Variants in RAPGEF5 observed in about 807,000 individuals in gnomAD.
RAPGEF5 encodes the protein Rap guanine nucleotide exchange factor 5, also known as M-Ras-regulated GEF.
RAPGEF5 carries 65 observed loss-of-function variants against 125.2 expected under a neutral mutation model. The ratio of observed to expected loss-of-function variants is 0.52; its 90% confidence interval spans 0.43 to 0.64. The LOEUF (loss-of-function observed/expected upper bound fraction) is 0.64, where lower values mean the gene tolerates loss of function less well. Ranked by LOEUF, RAPGEF5 falls within the 30% of genes least tolerant of loss-of-function variation. The probability of loss-of-function intolerance (pLI) is 0.00; values close to 1 mark genes in which losing one functional copy is unlikely to be tolerated. For synonymous variants in RAPGEF5, 391 were observed against 385.9 expected, an observed-to-expected ratio of 1.01 and a Z score of -0.16; for missense variants, 958 against 1,048.1, an observed-to-expected ratio of 0.91 and a Z score of 1.19.
chr7:22,262,497 C>G (rs1782181167), intron 7 of RAPGEF5, among the ~76,000 whole-genome samples: 1 of 152,172 alleles, frequency 6.6e-6, no homozygotes, highest in Non-Finnish European at 1.5e-5. Flanking sequence ...AAAAATGGCA[C>G]AGCTACTGTG....
Position 22,146,961 on chromosome 7 carries a change from T to TGCACACATGCACGCACAAA in RAPGEF5, c.1942_1943insTTTGTGCGTGCATGTGTGC (p.Asn648IlefsTer19). On this transcript the variant is annotated frameshift_variant, in exon 19 of 26. Coordinates refer to ENST00000665637, the MANE Select transcript of RAPGEF5 (RefSeq NM_012294.5). LOFTEE classifies it high-confidence loss of function. ...TAATTCCAGAGCAAGATCCCAAGTG[T>TGCACACATGCACGCACAAA]TCATTCCCAAAATCCTCATCGACCT... 6.2e-7 allele frequency: 1 copy of TGCACACATGCACGCACAAA among 1,613,810 alleles called. No homozygotes were observed. The highest frequency in any genetic ancestry group is 8.5e-7 in the Non-Finnish European group (1 of 1,179,790).
rs1583579111 is a variant in RAPGEF5, at chr7:22,324,215, A to G, written c.232-6178T>C. ...TTATGCTGTTTTTGTCAAAATGCAT[A>G]CCTGAATATAATGACAAAATATCAG... On this transcript the variant is annotated intron_variant, in intron 1 of 25. Transcript: ENST00000665637. 2.0e-5 allele frequency among the ~76,000 whole-genome samples: 3 copies of G among 152,218 alleles called. No individual in the cohort carries two copies. The East Asian group carries it at 5.8e-4, about 29-fold the overall frequency.
At chr7:22,252,913 A>T (rs549993751) in intron 7 of RAPGEF5, among the ~76,000 whole-genome samples, 43 of 152,286 alleles carry the variant, frequency 2.8e-4, no homozygotes, top group African/African-American at 1.0e-3. Flanking sequence ...ATGCATTAAG[A>T]ATTACTGTTT....
At chr7:22,157,944 T>C in intron 14 of RAPGEF5, 59 bp from the exon 15 acceptor site, 2 of 1,518,176 alleles carry the variant, frequency 1.3e-6, no homozygotes, top group South Asian at 1.2e-5. Context: ...AATGCAGTTA[T>C]TGTTACGGAA....
intron 9 of RAPGEF5, among the ~76,000 whole-genome samples, chr7:22,203,133 C>T (rs1002715943): frequency 1.3e-5 from 2 of 152,092 alleles, no homozygotes; most frequent in African/African-American, 4.8e-5. Context: ...GCTGTATGTG[C>T]TACTGAGAGG....
At chr7:22,260,000 T>C (rs2686470) in intron 7 of RAPGEF5, among the ~76,000 whole-genome samples, 59,854 of 151,832 alleles carry the variant, frequency 0.39, 12,676 homozygotes, top group East Asian at 0.73. Context: ...AGGAGAATCG[T>C]TTGAAATCGG....
intron 11 of RAPGEF5, among the ~76,000 whole-genome samples, chr7:22,175,478 C>A (rs145470220): frequency 3.8e-4 from 58 of 152,296 alleles, no homozygotes; most frequent in African/African-American, 1.3e-3. Flanking sequence ...TCTCAATAAT[C>A]AATACAATTA....
intron 17 of RAPGEF5, among the ~76,000 whole-genome samples, chr7:22,151,511 G>A (rs1429368004): frequency 7.1e-6 from 1 of 141,040 alleles, no homozygotes; most frequent in Non-Finnish European, 1.5e-5. Flanking sequence ...ACCCAGGCTA[G>A]AGTGCACTAG....
At chr7:22,228,594 G>A (rs572553264) in intron 8 of RAPGEF5, among the ~76,000 whole-genome samples, 4 of 151,942 alleles carry the variant, frequency 2.6e-5, no homozygotes, top group East Asian at 3.9e-4. Context: ...TGAAACCTCC[G>A]CCTCCCGGGT....
At chr7:22,125,137 G>A (rs1375445553) in intron 25 of RAPGEF5, 1 of 153,150 alleles carries the variant, frequency 6.5e-6, no homozygotes, top group East Asian at 1.9e-4. Context: ...GCTCCAGACA[G>A]GAAGTTTTTG....
intron 6 of RAPGEF5, among the ~76,000 whole-genome samples, chr7:22,282,052 T>C (rs1218637898): frequency 6.6e-6 from 1 of 152,246 alleles, no homozygotes; most frequent in African/African-American, 2.4e-5. Flanking sequence ...AGATTGCTAT[T>C]AATATTTTCT....
intron 11 of RAPGEF5, among the ~76,000 whole-genome samples, chr7:22,180,079 T>TG (rs1185799988): frequency 6.6e-6 from 1 of 152,234 alleles, no homozygotes; most frequent in Non-Finnish European, 1.5e-5. Context: ...GACCCTCTCT[T>TG]GGGGTCTGAA....
At chr7:22,322,387 T>A (rs1432945220) in intron 1 of RAPGEF5, among the ~76,000 whole-genome samples, 2 of 151,872 alleles carry the variant, frequency 1.3e-5, no homozygotes, top group African/African-American at 2.4e-5. Context: ...GCTCAAGCAA[T>A]CCGCTCGCCT....
intron 24 of RAPGEF5, among the ~76,000 whole-genome samples, chr7:22,130,667 C>T (rs893793665): frequency 6.6e-6 from 1 of 152,172 alleles, no homozygotes; most frequent in Non-Finnish European, 1.5e-5. Context: ...TGAGAGATGC[C>T]TATAAAGCAG....
chr7:22,336,736 C>T (rs1438455746), intron 1 of RAPGEF5, among the ~76,000 whole-genome samples: 3 of 152,150 alleles, frequency 2.0e-5, no homozygotes, highest in African/African-American at 4.8e-5. Flanking sequence ...ATCTGCCAGG[C>T]GGGAAGTGCA....
In RAPGEF5 at chr7:22,318,010, A is replaced by T; in HGVS notation, c.259T>A (p.Tyr87Asn). Residue 87 changes from tyrosine (Y) to asparagine (N), a missense_variant, in exon 2 of 26, where the codon TAC becomes AAC. Physicochemically the swap from Tyr to Asn is moderately radical, Grantham distance 143. Coordinates refer to ENST00000665637, the MANE Select transcript of RAPGEF5 (RefSeq NM_012294.5). The part of the protein sequence containing the change: ...RTLSRRISNP[Y>N]LEHTPSQIYG... ...ACCTGGGAAGGCGTATGTTCAAGGT[A>T]CGGATTAGATATTCTTCTTGATAGA... 1 of 1,546,988 alleles carries T rather than the reference A, an allele frequency of 6.5e-7. No individual in the cohort carries two copies. Among genetic ancestry groups the T allele is most frequent in the Non-Finnish European group, 8.7e-7 (1 of 1,146,082 alleles).
chr7:22,275,716 T>G, intron 6 of RAPGEF5, among the ~76,000 whole-genome samples: 1 of 152,042 alleles, frequency 6.6e-6, no homozygotes, highest in African/African-American at 2.4e-5. Context: ...TTGGAGACCA[T>G]GGGGGTTGTT....
intron 18 of RAPGEF5, 51 bp from the exon 19 acceptor site, chr7:22,147,070 C>G: frequency 6.3e-7 from 1 of 1,584,974 alleles, no homozygotes; most frequent in South Asian, 1.2e-5. Flanking sequence ...ATGTTTTGCA[C>G]TGCATTGGCT....
chr7:22,356,496 G>GT (rs1200938210), intron 1 of RAPGEF5: 1 of 157,234 alleles, frequency 6.4e-6, no homozygotes, highest in Admixed American at 6.5e-5. Flanking sequence ...CTGGCTGGCT[G>GT]TTGGACGCTG....
Sources: gnomAD v4.1 joint callset for allele counts (sites outside exome capture counted in the v4.1 genomes callset) on GRCh38, gnomAD v4.1.1 for gene constraint, MANE v1.5 for transcripts, NCBI Gene and HGNC (gene_info 2026-07-23, HGNC 2026-07-21) for gene names.